Variants in SPATA7 observed in about 807,000 individuals in gnomAD.
The protein encoded by SPATA7 is spermatogenesis associated 7, also known as spermatogenesis-associated protein 7.
SPATA7 carries 43 observed loss-of-function variants against 51.8 expected under a neutral mutation model. The ratio of observed to expected loss-of-function variants is 0.83; its 90% CI spans 0.65 to 1.07. SPATA7 has a LOEUF of 1.07. Among genes scored for constraint, SPATA7 ranks in the 50% least tolerant of loss-of-function variants. SPATA7 has a pLI of 0.00. For missense variants in SPATA7, 683 were observed against 701.3 expected (o/e 0.97, Z 0.30); for synonymous variants, 230 against 252.8 (o/e 0.91, Z 0.86).
At chr14:88,415,227 C>A (rs1431036766) in intron 4 of SPATA7, 1 of 354,588 alleles carries the variant, frequency 2.8e-6, no homozygotes, top group South Asian at 2.3e-5. Context: ...TTGTATGAAT[C>A]TGGGTGCTCC....
At chr14:88,403,716 G>T (rs746155244) in intron 4 of SPATA7, among the ~76,000 whole-genome samples, 4 of 152,192 alleles carry the variant, frequency 2.6e-5, no homozygotes, top group Non-Finnish European at 5.9e-5. Context: ...GAGAGGCAGA[G>T]AGTAGAATGG....
At chr14:88,451,266 T>G (rs1595314180) in intron 3 of SPATA7, among the ~76,000 whole-genome samples, 1 of 151,410 alleles carries the variant, frequency 6.6e-6, no homozygotes, top group African/African-American at 2.4e-5. Flanking sequence ...GCCTCCTGGG[T>G]TCAAGCGAAT....
Position 88,385,780 on chromosome 14 carries a change from A to G in SPATA7, c.-39A>G. The G allele has an allele frequency of 6.3e-6, 10 of 1,588,658 alleles. No individual in the cohort carries two copies. Among genetic ancestry groups the G allele is most frequent in the Non-Finnish European group, 7.7e-6 (9 of 1,163,520 alleles). ...CCGGCCGCGGGAAGGACCGAAGGGG[A>G]TACAGCGTGTCCCTGCGGCGGCTGC... On this transcript the variant is annotated 5_prime_UTR_variant, in exon 1 of 12. Transcript: ENST00000393545.
downstream of SPATA7, among the ~76,000 whole-genome samples, chr14:88,441,621 A>C (rs372020163): frequency 2.6e-5 from 4 of 152,070 alleles, 1 homozygote; most frequent in African/African-American, 9.6e-5. Flanking sequence ...ATTTTTTCAT[A>C]TGTTTATTGG....
At chr14:88,405,340 G>A (rs772051088) in intron 4 of SPATA7, among the ~76,000 whole-genome samples, 9 of 152,182 alleles carry the variant, frequency 5.9e-5, no homozygotes, top group Admixed American at 1.3e-4. Flanking sequence ...GCCATTGGAG[G>A]GTCTTGAAGA....
chr14:88,434,321 G>A (rs2077018154), intron 10 of SPATA7, among the ~76,000 whole-genome samples: 1 of 152,104 alleles, frequency 6.6e-6, no homozygotes, highest in Non-Finnish European at 1.5e-5. Flanking sequence ...GGTCTGTTTA[G>A]GGATTAAAAA....
intron 3 of SPATA7, among the ~76,000 whole-genome samples, chr14:88,449,334 G>A (rs112009272): frequency 7.2e-5 from 11 of 152,274 alleles, no homozygotes; most frequent in African/African-American, 2.6e-4. Context: ...TGTTGACCCA[G>A]TGATCATTCA....
intron 3 of SPATA7, among the ~76,000 whole-genome samples, chr14:88,395,678 A>G (rs1198546558): frequency 1.3e-5 from 2 of 152,000 alleles, no homozygotes; most frequent in African/African-American, 4.8e-5. Context: ...TGAAGAGGTT[A>G]TCTTTTCTCT....
chr14:88,469,943 T>C lies in SPATA7; in HGVS notation c.*76T>C, dbSNP rs753032925. On this transcript the variant is annotated 3_prime_UTR_variant, in exon 5 of 5. Coordinates refer to the SPATA7 transcript ENST00000556406. This position sits in a 1 kb window ranked among gnomAD's most constrained non-coding sequence, Gnocchi z 4.3. ...CTACCTCTTCTGCTGTCACCATTGC[T>C]ATAATTGCAATTCCCTGTTCCCATA... is the stretch of plus-strand genomic sequence containing the variant. 1.2e-6 allele frequency: 2 copies of C among 1,614,144 alleles called. No homozygotes were observed. Among genetic ancestry groups the C allele is most frequent in the South Asian group, 2.2e-5 (2 of 91,082 alleles).
chr14:88,468,008 T>C (rs2077391368), intron 4 of SPATA7: 1 of 1,192,548 alleles, frequency 8.4e-7, no homozygotes, highest in East Asian at 2.4e-5. Context: ...CCATTCAGAC[T>C]GCGCCACTTA....
chr14:88,450,773 C>G (rs2077244950), intron 3 of SPATA7, among the ~76,000 whole-genome samples: 1 of 152,140 alleles, frequency 6.6e-6, no homozygotes, highest in South Asian at 2.1e-4. Context: ...GACTATGTGC[C>G]TAGGCAATGA....
At chr14:88,392,306 A>T (rs73319887) in intron 2 of SPATA7, among the ~76,000 whole-genome samples, 1 of 152,282 alleles carries the variant, frequency 6.6e-6, no homozygotes, top group East Asian at 1.9e-4. Flanking sequence ...AAGAATATAT[A>T]TATAGAGCTG....
At chr14:88,408,967 C>G (rs1001072792) in intron 4 of SPATA7, among the ~76,000 whole-genome samples, 2 of 152,106 alleles carry the variant, frequency 1.3e-5, no homozygotes, top group African/African-American at 2.4e-5. Context: ...CCAACTTGAT[C>G]GTGGTGGATA....
chr14:88,448,783 C>T (rs2077231665), intron 3 of SPATA7, among the ~76,000 whole-genome samples: 1 of 152,082 alleles, frequency 6.6e-6, no homozygotes, highest in African/African-American at 2.4e-5. Context: ...GGGTGCCTCC[C>T]AGTTAGGCTG....
chr14:88,386,044 G>A, intron 1 of SPATA7: 1 of 1,438,446 alleles, frequency 7.0e-7, no homozygotes, highest in Non-Finnish European at 9.1e-7. Context: ...CCGCTTCTTT[G>A]CCCTGAATTT....
Position 88,469,718 on chromosome 14 carries a change from T to C in SPATA7, c.255-129T>C. The C allele has an allele frequency of 6.2e-7, 1 of 1,614,116 alleles. No individual in the cohort carries two copies. The highest frequency in any genetic ancestry group is 1.1e-5 in the South Asian group (1 of 91,082). On this transcript the variant is annotated intron_variant, in intron 4 of 4. Transcript: ENST00000556406. The surrounding 1 kb of genome is among the most constrained non-coding windows in gnomAD (Gnocchi z 4.3). ...AGTCGTGGCCAGTACCTAAAGCTCTTCTCCCTTCCACCCTCCTGTTAAAGA... is the reference window on the plus strand; with the variant it reads ...AGTCGTGGCCAGTACCTAAAGCTCTCCTCCCTTCCACCCTCCTGTTAAAGA...
At chr14:88,418,107 T>A (rs942635737) in intron 5 of SPATA7, among the ~76,000 whole-genome samples, 10 of 152,124 alleles carry the variant, frequency 6.6e-5, no homozygotes, top group African/African-American at 2.4e-4. Flanking sequence ...TTATTTCCCC[T>A]TGTTATTCCT....
At chr14:88,432,264 T>G (rs910480240) in intron 9 of SPATA7, among the ~76,000 whole-genome samples, 1 of 152,136 alleles carries the variant, frequency 6.6e-6, no homozygotes, top group African/African-American at 2.4e-5. Flanking sequence ...TTTATTTATT[T>G]TCAAATATGC....
chr14:88,429,435 G>A lies in SPATA7; in HGVS notation c.1000G>A (p.Asp334Asn), dbSNP rs201468418. 1.2e-6 allele frequency: 2 copies of A among 1,612,140 alleles called. No individual in the cohort carries two copies. Among genetic ancestry groups the A allele is most frequent in the Admixed American group, 1.7e-5 (1 of 59,936 alleles). Residue 334 changes from aspartate (D) to asparagine (N), a missense_variant, in exon 8 of 12, where the codon GAT (aspartate) becomes AAT (asparagine). Transcript: ENST00000393545. ...GHDSTWDEIK[D>N]DALQHSSPRA... The stretch of plus-strand genomic sequence containing the variant: ...TGACTCAACATGGGATGAGATTAAG[G>A]ATGATGCTCTTCAGCATTCCTCACC...
Sources: gnomAD v4.1 joint callset for allele counts (sites outside exome capture counted in the v4.1 genomes callset) on GRCh38, gnomAD v4.1.1 for gene constraint, Gnocchi (gnomAD v3.1) non-coding constraint, MANE v1.5 for transcripts, NCBI Gene and HGNC (gene_info 2026-07-23, HGNC 2026-07-21) for gene names.